Variants in HSD11B1 observed in about 807,000 individuals in gnomAD.
HSD11B1 encodes hydroxysteroid 11-beta dehydrogenase 1, also known as 11-beta-hydroxysteroid dehydrogenase 1.
HSD11B1 carries 15 observed loss-of-function variants against 22.1 expected under a neutral mutation model. That is an observed-to-expected ratio of 0.68 (90% confidence interval 0.45 to 1.04). HSD11B1 has a LOEUF of 1.04. Among genes scored for constraint, HSD11B1 ranks in the 50% least tolerant of loss-of-function variants. HSD11B1 has a pLI of 0.00. For missense variants in HSD11B1, 281 were observed against 357.6 expected (o/e 0.79, Z 1.73); for synonymous variants, 122 against 125.2 (o/e 0.97, Z 0.17).
intron 4 of HSD11B1, among the ~76,000 whole-genome samples, chr1:209,729,595 A>C (rs1296369097): frequency 6.6e-6 from 1 of 152,108 alleles, no homozygotes; most frequent in Non-Finnish European, 1.5e-5. Flanking sequence ...ACCAAGAAGG[A>C]CAAAGGATTG....
chr1:209,723,017 CT>C (rs2076976313), intron 4 of HSD11B1, among the ~76,000 whole-genome samples: 1 of 152,180 alleles, frequency 6.6e-6, no homozygotes, highest in Admixed American at 6.5e-5. Context: ...TTCTCTGGCT[CT>C]TGCTGTTTCT....
At chr1:209,727,450 G>A (rs2102397434) in intron 4 of HSD11B1, among the ~76,000 whole-genome samples, 2 of 152,338 alleles carry the variant, frequency 1.3e-5, no homozygotes, top group African/African-American at 4.8e-5. Context: ...ATCCTCATCT[G>A]TCAGCTTAGA....
At chr1:209,701,127 C>A (rs2076824010), upstream of HSD11B1, among the ~76,000 whole-genome samples, 1 of 152,188 alleles carries the variant, frequency 6.6e-6, no homozygotes, top group Non-Finnish European at 1.5e-5. Flanking sequence ...ATCTTTTCAG[C>A]AACAGCCCAC....
At chr1:209,729,363 A>AAC (rs34574844) in intron 4 of HSD11B1, among the ~76,000 whole-genome samples, 7,798 of 146,340 alleles carry the variant, frequency 0.053, 425 homozygotes, top group African/African-American at 0.14. Context: ...TGCCTCGGAA[A>AAC]ACACACACAC....
At chr1:209,728,676 G>C (rs2077017931) in intron 4 of HSD11B1, among the ~76,000 whole-genome samples, 1 of 152,208 alleles carries the variant, frequency 6.6e-6, no homozygotes, top group Admixed American at 6.5e-5. Context: ...TCTTGGCTCT[G>C]CTCTCTTCCA....
intron 1 of HSD11B1, among the ~76,000 whole-genome samples, 198 bp downstream of exon 1, chr1:209,705,228 G>C (rs1322636749): frequency 1.3e-5 from 2 of 152,090 alleles, no homozygotes; most frequent in East Asian, 3.9e-4. Context: ...TAATCGTGTA[G>C]CCAAAATCTA....
chr1:209,726,741 C>T (rs888873374), intron 4 of HSD11B1, among the ~76,000 whole-genome samples: 1 of 152,192 alleles, frequency 6.6e-6, no homozygotes, highest in Non-Finnish European at 1.5e-5. Context: ...TCCTACAAAA[C>T]CATTTAGGAT....
chr1:209,704,720 A>G (rs184642453), upstream of HSD11B1: 123 of 543,512 alleles, frequency 2.3e-4, 3 homozygotes, highest in African/African-American at 2.2e-3. Flanking sequence ...AACATTGTCC[A>G]TTATGAAATC....
chr1:209,721,875 T>C (rs2076969106), intron 4 of HSD11B1, among the ~76,000 whole-genome samples: 3 of 152,204 alleles, frequency 2.0e-5, no homozygotes, highest in Non-Finnish European at 2.9e-5. Context: ...CTTTAGACTT[T>C]AGATGTGAGT....
At chr1:209,714,628 T>C (rs2076919051) in intron 4 of HSD11B1, among the ~76,000 whole-genome samples, 1 of 152,208 alleles carries the variant, frequency 6.6e-6, no homozygotes, top group Non-Finnish European at 1.5e-5. Context: ...ATAAGGATAC[T>C]ATTGGCCTTT....
rs191107058 is a variant in HSD11B1, at chr1:209,726,152, A to C, written c.518-6284A>C. On this transcript the variant is annotated intron_variant, in intron 4 of 5. Coordinates refer to ENST00000367027, the MANE Select transcript of HSD11B1 (RefSeq NM_005525.4). ...AAAAATTAGCCAGGCATAGTGGCAC[A>C]TGCCTGTAGTCCCAGCTACTCAGGA... Among the ~76,000 whole-genome samples the C allele has an allele frequency of 1.5e-3, 230 of 152,022 alleles. 1 individual carries two copies. The highest frequency in any genetic ancestry group is 2.4e-3 in the Non-Finnish European group (160 of 67,948).
chr1:209,702,639 G>A (rs114633443), upstream of HSD11B1, among the ~76,000 whole-genome samples: 817 of 152,292 alleles, frequency 5.4e-3, 11 homozygotes, highest in Non-Finnish European at 5.4e-3. Context: ...AATGCTAATG[G>A]AATGTATGCT....
At chr1:209,709,783 C>T (rs1456908146) in intron 4 of HSD11B1, among the ~76,000 whole-genome samples, 1 of 152,162 alleles carries the variant, frequency 6.6e-6, no homozygotes, top group African/African-American at 2.4e-5. Context: ...TATCTTTATT[C>T]AAAGGGAACA....
chr1:209,696,383 C>G (rs1471304716), intron 1 of HSD11B1, among the ~76,000 whole-genome samples: 1 of 152,144 alleles, frequency 6.6e-6, no homozygotes, highest in African/African-American at 2.4e-5. Context: ...AAAAAATAAT[C>G]ATGTCAGTTT....
At chr1:209,722,976 A>T (rs769286018) in intron 4 of HSD11B1, among the ~76,000 whole-genome samples, 55 of 152,298 alleles carry the variant, frequency 3.6e-4, no homozygotes, top group Admixed American at 2.0e-3. Context: ...CTACTCAGCT[A>T]ATAAGCCTCA....
At chr1:209,727,280 G>C (rs570870159) in intron 4 of HSD11B1, among the ~76,000 whole-genome samples, 5 of 152,170 alleles carry the variant, frequency 3.3e-5, no homozygotes, top group Non-Finnish European at 7.3e-5. Context: ...GGGGGAGCAT[G>C]GCTGTGCTGA....
chr1:209,687,436 T>C (rs142598166), intron 1 of HSD11B1, among the ~76,000 whole-genome samples: 36 of 152,348 alleles, frequency 2.4e-4, no homozygotes, highest in African/African-American at 7.9e-4. Flanking sequence ...TAGGATGATA[T>C]GAAAATAAAA....
At position 209,704,875 on chromosome 1, in the gene HSD11B1, G is replaced by A. The variant is rs776015128; in HGVS notation, c.-68G>A. 42 of 1,201,616 alleles carry A rather than the reference G, an allele frequency of 3.5e-5. No homozygotes were observed. Among genetic ancestry groups the A allele is most frequent in the Non-Finnish European group, 5.0e-5 (40 of 806,092 alleles). The allele number at this position is 1,201,616 out of a possible 1,614,324, so 74.4% of individuals were successfully genotyped here. ...TTCAGAGGCTGCTGCCTGCTTAGGAGGTTGTAGAAAGCTCTGTAGGTTCTC... is the reference window on the plus strand; with the variant it reads ...TTCAGAGGCTGCTGCCTGCTTAGGAAGTTGTAGAAAGCTCTGTAGGTTCTC... On this transcript the variant is annotated 5_prime_UTR_variant, in exon 1 of 6. Transcript: ENST00000367027.
chr1:209,697,883 C>CT lies in HSD11B1; in HGVS notation c.-48-7012_-48-7011insT, dbSNP rs1558187212. ...TGAATGATTAATGGTTTTGTTTTTT[C>CT]CTTTTTTTTTTTTTTTTTTTTTTTT... On this transcript the variant is annotated intron_variant, in intron 1 of 6. Transcript: ENST00000261465. Among the ~76,000 whole-genome samples the CT allele has an allele frequency of 9.1e-4, 20 of 21,900 alleles. 1 individual carries two copies. The highest frequency in any genetic ancestry group is 1.5e-3 in the African/African-American group (18 of 11,976). The allele number at this position is 21,900 out of a possible 152,430, so 14.4% of individuals were successfully genotyped here. A position where few individuals can be genotyped will look rare whatever the true frequency, so the allele number is the denominator to read the frequency against.
Sources: gnomAD v4.1 joint callset for allele counts (sites outside exome capture counted in the v4.1 genomes callset) on GRCh38, gnomAD v4.1.1 for gene constraint, MANE v1.5 for transcripts, NCBI Gene and HGNC (gene_info 2026-07-23, HGNC 2026-07-21) for gene names.